Variants in TASOR observed in about 807,000 individuals in gnomAD.
TASOR encodes protein TASOR.
TASOR carries 53 observed loss-of-function variants against 178.6 expected under a neutral mutation model. That is an observed-to-expected ratio of 0.30 (90% CI 0.24 to 0.37). TASOR has a LOEUF of 0.37. Ranked by LOEUF, TASOR falls within the 10% of genes least tolerant of loss-of-function variation. The pLI, the probability that TASOR is intolerant of heterozygous loss-of-function variation, is 1.00. For missense variants in TASOR, 1,815 were observed against 1,971.4 expected (o/e 0.92, Z 1.50); for synonymous variants, 713 against 696.2 (o/e 1.02, Z -0.38).
chr3:56,672,517 A>G (rs933338240), intron 2 of TASOR, among the ~76,000 whole-genome samples: 4 of 152,222 alleles, frequency 2.6e-5, no homozygotes, highest in Admixed American at 2.6e-4. Context: ...TGCATCAAAT[A>G]TTTCAAAACA....
chr3:56,638,237 C>T (rs1486933946), intron 17 of TASOR, among the ~76,000 whole-genome samples: 2 of 151,698 alleles, frequency 1.3e-5, no homozygotes, highest in African/African-American at 4.8e-5. Context: ...TGGTGGCATG[C>T]GCCTGTAATC....
chr3:56,621,892 C>CTACT lies in TASOR; in HGVS notation c.*1141_*1144dup, dbSNP rs1389204023. The CTACT allele has an allele frequency of 2.1e-5, 4 of 193,790 alleles. No homozygotes were observed. Among genetic ancestry groups the CTACT allele is most frequent in the Non-Finnish European group, 4.2e-5 (4 of 95,228 alleles). 12.0% of individuals were successfully genotyped at this position (193,790 alleles called of 1,614,324 possible). A position where few individuals can be genotyped will look rare whatever the true frequency, so the allele number is the denominator to read the frequency against. On this transcript the variant is annotated 3_prime_UTR_variant, in exon 24 of 24. Transcript: ENST00000683822. ...TATTGAAGCCCTATAAAAACACTTTCTACTTACCTTAATATAGTCTGGCGT... is the reference window on the plus strand; with the variant it reads ...TATTGAAGCCCTATAAAAACACTTTCTACTTACTTACCTTAATATAGTCTGGCGT...
intron 11 of TASOR, among the ~76,000 whole-genome samples, chr3:56,654,191 C>T (rs923459822): frequency 2.0e-5 from 3 of 151,844 alleles, no homozygotes; most frequent in Non-Finnish European, 2.9e-5. Context: ...CCCTTGAACC[C>T]GGGAGGCAGA....
At chr3:56,635,691 T>G (rs796214961) in intron 17 of TASOR, among the ~76,000 whole-genome samples, 1 of 152,298 alleles carries the variant, frequency 6.6e-6, no homozygotes, top group African/African-American at 2.4e-5. Context: ...TTTCCCAGAC[T>G]GGCCCTGAAT....
intron 18 of TASOR, among the ~76,000 whole-genome samples, chr3:56,631,597 T>TC (rs2076916190): frequency 1.3e-5 from 2 of 150,650 alleles, no homozygotes; most frequent in Non-Finnish European, 3.0e-5. Flanking sequence ...TTTTTTTTTT[T>TC]TTTTGAGATG....
At chr3:56,647,429 A>G (rs1361026548) in intron 13 of TASOR, among the ~76,000 whole-genome samples, 2 of 152,234 alleles carry the variant, frequency 1.3e-5, no homozygotes, top group Non-Finnish European at 2.9e-5. Flanking sequence ...AAACAGGCCA[A>G]TAAGAAACTA....
At chr3:56,639,625 A>G (rs768508352) in intron 16 of TASOR, among the ~76,000 whole-genome samples, 3 of 152,258 alleles carry the variant, frequency 2.0e-5, no homozygotes, top group African/African-American at 7.2e-5. Flanking sequence ...TTGAGAAGAC[A>G]GCATTTAATT....
At chr3:56,635,331 T>C (rs80024170) in intron 17 of TASOR, among the ~76,000 whole-genome samples, 16,679 of 152,106 alleles carry the variant, frequency 0.11, 1,268 homozygotes, top group South Asian at 0.35. Context: ...CTGTATGAAA[T>C]TGATAAACCA....
intron 1 of TASOR, among the ~76,000 whole-genome samples, chr3:56,675,874 CCATT>C (rs1405409608): frequency 3.3e-5 from 5 of 152,188 alleles, no homozygotes; most frequent in African/African-American, 9.7e-5. Flanking sequence ...AGCCATTCAT[CCATT>C]CATTTACCAA....
Position 56,633,256 on chromosome 3 carries a change from G to A in TASOR, c.3535C>T (p.Pro1179Ser). 6.2e-7 allele frequency: 1 copy of A among 1,614,132 alleles called. No individual in the cohort carries two copies. Among genetic ancestry groups the A allele is most frequent in the Non-Finnish European group, 8.5e-7 (1 of 1,180,040 alleles). Residue 1179 changes from proline (P) to serine (S), a missense_variant, in exon 18 of 24, where the codon CCT (proline) becomes TCT (serine). Transcript: ENST00000683822. The stretch of plus-strand genomic sequence containing the variant: ...ACTGGTTCCCGGGCCATATCACCAG[G>A]TACAATATGATCAGAAGTCACCATT... ...ELMVTSDHIV[P>S]GDMAREPVEE...
At chr3:56,672,355 T>G (rs1301485449) in intron 2 of TASOR, among the ~76,000 whole-genome samples, 1 of 152,214 alleles carries the variant, frequency 6.6e-6, no homozygotes. Context: ...TACCATACCA[T>G]GAAACCACAT....
chr3:56,632,998 C>T (rs549569850), intron 18 of TASOR, 46 bp downstream of exon 18: 10 of 1,415,152 alleles, frequency 7.1e-6, no homozygotes, highest in Non-Finnish European at 9.5e-6. Context: ...GTCACACCAA[C>T]AAGAGAAGTT....
intron 3 of TASOR, among the ~76,000 whole-genome samples, chr3:56,670,730 G>A (rs1025926505): frequency 6.6e-6 from 1 of 151,738 alleles, no homozygotes; most frequent in African/African-American, 2.4e-5. Flanking sequence ...GAGGTCAGGA[G>A]TTCAAGACCA....
At position 56,621,183 on chromosome 3, in the gene TASOR, CA is replaced by C. The variant is rs144692611; in HGVS notation, c.*1853del. ...CCAAAAAAAAACAAAACAACAACAA[CA>C]AAAAAAAAACACTGTATGTTAAGGG... On this transcript the variant is annotated 3_prime_UTR_variant, in exon 24 of 24. Transcript: ENST00000683822. 3.5e-4 allele frequency: 53 copies of C among 151,366 alleles called. No individual in the cohort carries two copies. Among genetic ancestry groups the C allele is most frequent in the Non-Finnish European group, 5.8e-4 (41 of 70,526 alleles). The allele number at this position is 151,366 out of a possible 1,614,324, so 9.4% of individuals were successfully genotyped here.
At chr3:56,636,153 T>C (rs2077011158) in intron 17 of TASOR, among the ~76,000 whole-genome samples, 3 of 149,840 alleles carry the variant, frequency 2.0e-5, no homozygotes, top group African/African-American at 7.4e-5. Context: ...AAAAAAAAAA[T>C]ACAAAAATTA....
At position 56,651,706 on chromosome 3, in the gene TASOR, A is replaced by T. The variant is rs961396929; in HGVS notation, c.1369-2649T>A. Among the ~76,000 whole-genome samples, 30 of 152,104 alleles carry T rather than the reference A, an allele frequency of 2.0e-4. 1 individual carries two copies. Among genetic ancestry groups the T allele is most frequent in the Non-Finnish European group, 1.5e-5 (1 of 68,014 alleles). On this transcript the variant is annotated intron_variant, in intron 11 of 23. Transcript: ENST00000683822. ...GCAACAGAGAGTCCTGTCTCAAAAA[A>T]AAAAAGCTTAGAAGGAAATAAGCTA...
chr3:56,624,524 TTTC>T lies in TASOR; in HGVS notation c.4435_4437del (p.Glu1479del). 1 of 1,614,126 alleles carries T rather than the reference TTTC, an allele frequency of 6.2e-7. No individual in the cohort carries two copies. Among genetic ancestry groups the T allele is most frequent in the Non-Finnish European group, 8.5e-7 (1 of 1,179,992 alleles). ...TCATTAGCACCAAGCTGTGGAAGGT[TTTC>T]TTCTGTGATTGAATTGTGATAGCCC... On this transcript the variant is annotated inframe_deletion, in exon 23 of 24. Coordinates refer to ENST00000683822, the MANE Select transcript of TASOR (RefSeq NM_001365635.2).
Position 56,647,184 on chromosome 3 carries a change from T to A in TASOR, c.1553A>T (p.His518Leu). ...GSTNAAPQERHESMPDVLKIA... is the reference protein window; with the variant it reads ...GSTNAAPQERLESMPDVLKIA... ...TTTTAATACATCTGGCATGCTCTCA[T>A]GCCTCTCCTGTGGTGCTGCATTGGT... Residue 518 changes from histidine to leucine, a missense_variant, in exon 14 of 24, where the codon CAT (histidine) becomes CTT (leucine). Coordinates refer to ENST00000683822, the MANE Select transcript of TASOR (RefSeq NM_001365635.2). 2 of 1,578,694 alleles carry A rather than the reference T, an allele frequency of 1.3e-6. No individual in the cohort carries two copies. The highest frequency in any genetic ancestry group is 1.7e-6 in the Non-Finnish European group (2 of 1,169,262).
chr3:56,659,060 A>C (rs2077537609), intron 11 of TASOR, among the ~76,000 whole-genome samples: 1 of 152,124 alleles, frequency 6.6e-6, no homozygotes, highest in Non-Finnish European at 1.5e-5. Flanking sequence ...AGGGTTTTAT[A>C]ACTCTGCCTG....
Sources: gnomAD v4.1 joint callset for allele counts (sites outside exome capture counted in the v4.1 genomes callset) on GRCh38, gnomAD v4.1.1 for gene constraint, MANE v1.5 for transcripts, NCBI Gene and HGNC (gene_info 2026-07-23, HGNC 2026-07-21) for gene names.